The following PCDH15 variants were observed in gnomAD, a reference collection of about 807,000 sequenced individuals.
The protein encoded by PCDH15 is protocadherin related 15, also known as protocadherin-15.
In PCDH15, 129 loss-of-function variants were observed where a neutral mutation model predicts 178.5. That is an observed-to-expected ratio of 0.72 (90% CI 0.63 to 0.84). The LOEUF is 0.84. PCDH15 is among the 40% of genes least tolerant of loss of function. The pLI is 0.00. For synonymous variants in PCDH15, 800 were observed against 732.0 expected (o/e 1.09, Z -1.50); for missense variants, 2,230 against 2,099.9 (o/e 1.06, Z -1.21).
At chr10:54,484,582 T>C (rs1482176374) in intron 3 of PCDH15, among the ~76,000 whole-genome samples, 2 of 151,894 alleles carry the variant, frequency 1.3e-5, no homozygotes, top group African/African-American at 4.8e-5. Flanking sequence ...GAATAGTAGC[T>C]ATAAATCAGA....
chr10:54,245,536 T>C (rs2055836787), intron 8 of PCDH15, among the ~76,000 whole-genome samples: 1 of 152,150 alleles, frequency 6.6e-6, no homozygotes, highest in South Asian at 2.1e-4. Flanking sequence ...CAAATAAATT[T>C]TTGTAGAACA....
At chr10:54,282,329 AAG>A (rs1013231032) in intron 8 of PCDH15, among the ~76,000 whole-genome samples, 2 of 151,584 alleles carry the variant, frequency 1.3e-5, no homozygotes, top group African/African-American at 2.4e-5. Context: ...AGGAGAGAAA[AAG>A]AGAGAGAGAG....
chr10:54,963,407 T>A (rs1001797495), intron 2 of PCDH15, among the ~76,000 whole-genome samples: 5 of 152,140 alleles, frequency 3.3e-5, no homozygotes, highest in Admixed American at 3.3e-4. Flanking sequence ...CACTAAAATA[T>A]CTGTATATTT....
chr10:54,180,317 T>C (rs1003407272), intron 13 of PCDH15, among the ~76,000 whole-genome samples: 3 of 152,186 alleles, frequency 2.0e-5, no homozygotes, highest in African/African-American at 7.2e-5. Context: ...TAAAACTTTA[T>C]AACCAACTCA....
At chr10:54,462,914 T>C (rs1276929115) in intron 3 of PCDH15, among the ~76,000 whole-genome samples, 1 of 151,978 alleles carries the variant, frequency 6.6e-6, no homozygotes, top group East Asian at 1.9e-4. Context: ...TTGTATTGTG[T>C]TGGTTTTTGT....
intron 8 of PCDH15, among the ~76,000 whole-genome samples, chr10:54,249,938 G>A (rs1471228073): frequency 6.6e-6 from 1 of 151,884 alleles, no homozygotes; most frequent in African/African-American, 2.4e-5. Context: ...TTATTTATTT[G>A]AGACAGAGTC....
intron 2 of PCDH15, among the ~76,000 whole-genome samples, chr10:55,425,108 GA>G (rs1251236200): frequency 7.2e-6 from 1 of 138,624 alleles, no homozygotes; most frequent in Non-Finnish European, 1.6e-5. Context: ...AAGAAATTCT[GA>G]AATGACTTAA....
intron 3 of PCDH15, among the ~76,000 whole-genome samples, chr10:54,822,782 G>A (rs1194609049): frequency 2.6e-5 from 4 of 151,634 alleles, no homozygotes; most frequent in Non-Finnish European, 5.9e-5. Context: ...TTACATCATT[G>A]CCAGCATCCA....
chr10:54,408,203 A>G (rs888223718), intron 3 of PCDH15, among the ~76,000 whole-genome samples: 1 of 151,650 alleles, frequency 6.6e-6, no homozygotes, highest in African/African-American at 2.4e-5. Context: ...CTTTCTCTCT[A>G]TATAGAACTA....
chr10:55,132,855 G>A (rs1838090877), intron 2 of PCDH15, among the ~76,000 whole-genome samples: 1 of 152,136 alleles, frequency 6.6e-6, no homozygotes, highest in Admixed American at 6.6e-5. Context: ...AAGGTTTGGA[G>A]AGTTAACACT....
At chr10:54,477,651 C>T (rs1375251469) in intron 3 of PCDH15, among the ~76,000 whole-genome samples, 4 of 152,178 alleles carry the variant, frequency 2.6e-5, no homozygotes, top group African/African-American at 9.7e-5. Flanking sequence ...GGCTGATGTG[C>T]AGGGATGCAA....
At chr10:55,363,535 T>A (rs1406122512) in intron 2 of PCDH15, among the ~76,000 whole-genome samples, 1 of 152,194 alleles carries the variant, frequency 6.6e-6, no homozygotes, top group Admixed American at 6.6e-5. Context: ...TATCTTTACA[T>A]TTTCTAGTAA....
intron 2 of PCDH15, among the ~76,000 whole-genome samples, chr10:55,068,359 T>TCC (rs1254929253): frequency 2.6e-5 from 4 of 152,224 alleles, no homozygotes; most frequent in Admixed American, 2.0e-4. Context: ...AAAGAGACTG[T>TCC]CCTTTCCCCA....
chr10:55,399,244 C>G (rs949657679), intron 2 of PCDH15, among the ~76,000 whole-genome samples: 12 of 151,970 alleles, frequency 7.9e-5, no homozygotes, highest in Admixed American at 3.3e-4. Context: ...TTTTAACTGT[C>G]AGCAAATACA....
intron 3 of PCDH15, among the ~76,000 whole-genome samples, chr10:54,822,347 C>T (rs929043427): frequency 6.6e-6 from 1 of 152,084 alleles, no homozygotes; most frequent in Non-Finnish European, 1.5e-5. Context: ...TCCATGAGGT[C>T]AATTTTTTTA....
At chr10:54,732,531 A>T (rs759695904) in intron 1 of PCDH15, among the ~76,000 whole-genome samples, 1 of 151,584 alleles carries the variant, frequency 6.6e-6, no homozygotes, top group Non-Finnish European at 1.5e-5. Context: ...TAGTCAAGCA[A>T]TTAGATTTAG....
intron 3 of PCDH15, among the ~76,000 whole-genome samples, chr10:54,421,912 CTATA>C (rs67936546): frequency 3.0e-4 from 30 of 99,000 alleles, no homozygotes; most frequent in Non-Finnish European, 3.9e-4. Flanking sequence ...TATATATACA[CTATA>C]TATATATATA....
At chr10:54,122,874 T>TAAAA (rs34113865) in intron 15 of PCDH15, among the ~76,000 whole-genome samples, 1 of 143,724 alleles carries the variant, frequency 7.0e-6, no homozygotes, top group Non-Finnish European at 1.5e-5. Flanking sequence ...AAAACACTGC[T>TAAAA]AAAAAAAAAA....
At chr10:55,113,939 A>G (rs765178845) in intron 2 of PCDH15, among the ~76,000 whole-genome samples, 126 of 151,914 alleles carry the variant, frequency 8.3e-4, no homozygotes, top group Middle Eastern at 3.4e-3. Context: ...ATTTTGTTTT[A>G]TTTATTTTTA....
Sources: gnomAD v4.1 joint callset for allele counts (sites outside exome capture counted in the v4.1 genomes callset) on GRCh38, gnomAD v4.1.1 for gene constraint, MANE v1.5 for transcripts, NCBI Gene and HGNC (gene_info 2026-07-23, HGNC 2026-07-21) for gene names.